The following ATP6V1C2 variants were observed in gnomAD, a reference collection of about 807,000 sequenced individuals.
ATP6V1C2 encodes ATPase H+ transporting V1 subunit C2.
ATP6V1C2 carries 45 observed loss-of-function variants against 56.8 expected under a neutral mutation model. The ratio of observed to expected loss-of-function variants is 0.79; its 90% confidence interval spans 0.62 to 1.02. The LOEUF (loss-of-function observed/expected upper bound fraction) is 1.02. Among genes scored for constraint, ATP6V1C2 ranks in the 50% least tolerant of loss-of-function variants. The probability of loss-of-function intolerance (pLI) is 0.00; values close to 1 mark genes in which losing one functional copy is unlikely to be tolerated. For synonymous variants in ATP6V1C2, 220 were observed against 201.3 expected, an observed-to-expected ratio of 1.09 and a Z score of -0.79; for missense variants, 463 against 519.7, an observed-to-expected ratio of 0.89 and a Z score of 1.06.
chr2:10,725,356 A>C (rs1661580433), intron 2 of ATP6V1C2, among the ~76,000 whole-genome samples: 1 of 150,970 alleles, frequency 6.6e-6, no homozygotes, highest in Admixed American at 6.6e-5. Context: ...TGGAGGTTGC[A>C]GTGAGCCGAG....
chr2:10,726,992 G>A (rs557180876), intron 3 of ATP6V1C2, among the ~76,000 whole-genome samples: 40 of 152,160 alleles, frequency 2.6e-4, no homozygotes, highest in African/African-American at 9.2e-4. Flanking sequence ...CAGGAGACTC[G>A]CTTGAGCCCA....
chr2:10,732,135 T>C (rs1255346232), intron 3 of ATP6V1C2, among the ~76,000 whole-genome samples: 1 of 152,238 alleles, frequency 6.6e-6, no homozygotes, highest in Non-Finnish European at 1.5e-5. Context: ...AATTCTGTGA[T>C]CCTGGATTGT....
At chr2:10,740,544 A>G (rs1487457343) in intron 3 of ATP6V1C2, among the ~76,000 whole-genome samples, 2 of 152,050 alleles carry the variant, frequency 1.3e-5, no homozygotes, top group African/African-American at 2.4e-5. Context: ...CAGAACTTCA[A>G]TGTGTGATGT....
intron 10 of ATP6V1C2, among the ~76,000 whole-genome samples, chr2:10,777,225 CAG>C (rs762870581): frequency 3.9e-5 from 6 of 152,238 alleles, no homozygotes; most frequent in Non-Finnish European, 8.8e-5. Context: ...GCCACCTTGA[CAG>C]AGCGCAGAGA....
At chr2:10,735,954 C>T (rs548807103) in intron 3 of ATP6V1C2, among the ~76,000 whole-genome samples, 3 of 152,320 alleles carry the variant, frequency 2.0e-5, no homozygotes, top group African/African-American at 4.8e-5. Flanking sequence ...CAGGATTCTG[C>T]ATTTCTTGCA....
chr2:10,773,668 C>T (rs965838082), intron 8 of ATP6V1C2, among the ~76,000 whole-genome samples: 1 of 152,198 alleles, frequency 6.6e-6, no homozygotes, highest in African/African-American at 2.4e-5. Flanking sequence ...CACGTGTGAG[C>T]CACCACACCC....
intron 3 of ATP6V1C2, among the ~76,000 whole-genome samples, chr2:10,730,699 CTG>C (rs1661903557): frequency 7.4e-6 from 1 of 134,698 alleles, no homozygotes; most frequent in South Asian, 2.3e-4. Flanking sequence ...GTTGCCCAGG[CTG>C]GAGTGCAATG....
chr2:10,762,625 A>G (rs1663981130), intron 4 of ATP6V1C2, among the ~76,000 whole-genome samples: 1 of 151,618 alleles, frequency 6.6e-6, no homozygotes, highest in South Asian at 2.1e-4. Flanking sequence ...TTTCATTCCC[A>G]TCTGCTTCTT....
intron 4 of ATP6V1C2, among the ~76,000 whole-genome samples, chr2:10,761,924 T>C (rs1394387377): frequency 6.6e-6 from 1 of 152,208 alleles, no homozygotes; most frequent in Admixed American, 6.5e-5. Flanking sequence ...AGAAGGTGTC[T>C]GAGTTTGGTT....
rs1393106981 is a variant in ATP6V1C2 at position 10,772,590 on chromosome 2, G to A, written c.618G>A (p.Met206Ile). Reference protein sequence around the residue: ...WQKTYESLSDMVVPRSTKLIT... With the variant: ...WQKTYESLSDIVVPRSTKLIT... ...AAACCTACGAATCTCTCTCAGACAT[G>A]GTGGTCCCTCGATCAACCAAGTAAG... The change falls in exon 8 of 14, where the codon ATG (methionine) becomes ATA (isoleucine). Residue 206 changes from methionine to isoleucine, a missense_variant. Transcript: ENST00000272238. The A allele has an allele frequency of 6.2e-7, 1 of 1,614,036 alleles. No individual in the cohort carries two copies. Among genetic ancestry groups the A allele is most frequent in the South Asian group, 1.1e-5 (1 of 91,086 alleles).
chr2:10,734,720 C>T (rs10929694), intron 3 of ATP6V1C2, among the ~76,000 whole-genome samples: 16,528 of 152,066 alleles, frequency 0.11, 1,869 homozygotes, highest in East Asian at 0.39. Flanking sequence ...GACTCTGTGC[C>T]CTGGGCTTTC....
rs760205497 is a variant in ATP6V1C2, at chr2:10,784,896, G to A, written c.*1633G>A. ...TGCACAGGCTCAAGAGAGTAAACCA[G>A]GACTGCTGCCCGCACAGCTTCCCTC... is the stretch of plus-strand genomic sequence containing the variant. On this transcript the variant is annotated 3_prime_UTR_variant, in exon 14 of 14. Transcript: ENST00000272238. 1 of 1,404,746 alleles carries A rather than the reference G, an allele frequency of 7.1e-7. No individual in the cohort carries two copies. The highest frequency in any genetic ancestry group is 1.2e-5 in the South Asian group (1 of 81,406). 87.0% of individuals were successfully genotyped at this position (1,404,746 alleles called of 1,614,324 possible). A position where few individuals can be genotyped will look rare whatever the true frequency, so the allele number is the denominator to read the frequency against.
At chr2:10,739,310 G>A (rs1208057039) in intron 3 of ATP6V1C2, among the ~76,000 whole-genome samples, 1 of 147,408 alleles carries the variant, frequency 6.8e-6, no homozygotes, top group Non-Finnish European at 1.5e-5. Context: ...ATAAATAAAA[G>A]CACTGTATCA....
intron 3 of ATP6V1C2, among the ~76,000 whole-genome samples, chr2:10,750,728 T>G (rs1663162182): frequency 1.3e-5 from 2 of 152,168 alleles, no homozygotes; most frequent in African/African-American, 4.8e-5. Context: ...GCTGGATTTA[T>G]GTAAACAAAT....
intron 1 of ATP6V1C2, among the ~76,000 whole-genome samples, chr2:10,722,340 T>A (rs1344928191): frequency 6.6e-6 from 1 of 152,148 alleles, no homozygotes; most frequent in Non-Finnish European, 1.5e-5. Context: ...CTGAAGTCTA[T>A]TTTTAAAGCT....
chr2:10,772,132 G>A (rs1222074755), intron 7 of ATP6V1C2, among the ~76,000 whole-genome samples, 195 bp downstream of exon 7: 1 of 152,194 alleles, frequency 6.6e-6, no homozygotes, highest in African/African-American at 2.4e-5. Context: ...TTGTGGCCAC[G>A]ATAGAAGCAG....
At chr2:10,753,914 C>G in intron 3 of ATP6V1C2, 67 bp from the exon 4 acceptor site, 1 of 1,392,770 alleles carries the variant, frequency 7.2e-7, no homozygotes, top group Middle Eastern at 1.8e-4. Flanking sequence ...TTCCTGCCAG[C>G]AGCATGTGAC....
chr2:10,728,444 A>T (rs1661764362), intron 3 of ATP6V1C2, among the ~76,000 whole-genome samples: 1 of 152,172 alleles, frequency 6.6e-6, no homozygotes, highest in African/African-American at 2.4e-5. Context: ...TAGTTAAATA[A>T]CGTATCTTAG....
Position 10,777,704 on chromosome 2 carries a change from G to A in ATP6V1C2, c.945G>A (p.Glu315=). Residue 315 remains glutamate (E), a synonymous_variant, in exon 11 of 14, where the codon GAG becomes GAA. Coordinates refer to ENST00000272238, the MANE Select transcript of ATP6V1C2 (RefSeq NM_001039362.2). ...CGGGGCAGACCGACAGAGAGAGAGA[G>A]AGTGAGGGCGAGGGTGAGGTAAGCA... The part of the protein sequence containing the change: ...PAAGQTDRER[E]SEGEGEGPLL... The A allele has an allele frequency of 1.2e-6, 2 of 1,613,484 alleles. No individual in the cohort carries two copies. Among genetic ancestry groups the A allele is most frequent in the South Asian group, 2.2e-5 (2 of 90,998 alleles).
Sources: gnomAD v4.1 joint callset for allele counts (sites outside exome capture counted in the v4.1 genomes callset) on GRCh38, gnomAD v4.1.1 for gene constraint, MANE v1.5 for transcripts, NCBI Gene and HGNC (gene_info 2026-07-23, HGNC 2026-07-21) for gene names.